Variants in HYCC2 observed in about 807,000 individuals in gnomAD.
HYCC2 encodes the protein hyccin 2.
At chr2:201,071,245 C>G in the HYCC2 span, among the ~76,000 whole-genome samples, 1 of 152,214 alleles carries the variant, frequency 6.6e-6, no homozygotes, top group Non-Finnish European at 1.5e-5. Flanking sequence ...TAACTGTCTT[C>G]AATGCCGTGT....
the HYCC2 span, among the ~76,000 whole-genome samples, chr2:201,005,990 C>G: frequency 1.3e-5 from 2 of 152,032 alleles, no homozygotes; most frequent in African/African-American, 4.8e-5. Flanking sequence ...TGCGCCACCA[C>G]GCCTGGCTAA....
At chr2:201,060,234 A>C in the HYCC2 span, among the ~76,000 whole-genome samples, 1 of 152,192 alleles carries the variant, frequency 6.6e-6, no homozygotes, top group East Asian at 1.9e-4. Context: ...ACAGTATAGA[A>C]GATAAGGAGC....
chr2:201,004,417 G>A, the HYCC2 span, among the ~76,000 whole-genome samples: 1 of 152,186 alleles, frequency 6.6e-6, no homozygotes, highest in African/African-American at 2.4e-5. Context: ...TGCAGAGATG[G>A]GTTGAATTTA....
the HYCC2 span, chr2:200,975,280 T>C: frequency 6.6e-6 from 1 of 152,008 alleles, no homozygotes; most frequent in Non-Finnish European, 1.5e-5. Flanking sequence ...ACTTTAAAAA[T>C]TATATTTGGT....
At chr2:201,016,022 G>A in the HYCC2 span, among the ~76,000 whole-genome samples, 1 of 151,922 alleles carries the variant, frequency 6.6e-6, no homozygotes, top group Non-Finnish European at 1.5e-5. Context: ...ATGTCTTTTC[G>A]AACACAGCAG....
the HYCC2 span, among the ~76,000 whole-genome samples, chr2:201,039,366 T>C: frequency 2.6e-5 from 4 of 152,230 alleles, no homozygotes; most frequent in Admixed American, 2.6e-4. Flanking sequence ...TTTCTGGCCA[T>C]AACAAAACCT....
chr2:201,050,773 A>G, the HYCC2 span, among the ~76,000 whole-genome samples: 2 of 152,048 alleles, frequency 1.3e-5, no homozygotes, highest in Admixed American at 1.3e-4. Context: ...CGTCTCTACT[A>G]AAAATATAAA....
the HYCC2 span, among the ~76,000 whole-genome samples, chr2:201,016,131 T>C: frequency 6.6e-6 from 1 of 152,144 alleles, no homozygotes; most frequent in East Asian, 1.9e-4. Flanking sequence ...ATTGGTCAAA[T>C]AAAACAATTT....
the HYCC2 span, among the ~76,000 whole-genome samples, chr2:201,039,471 A>T: frequency 6.6e-6 from 1 of 152,194 alleles, no homozygotes; most frequent in Non-Finnish European, 1.5e-5. Context: ...TCGTCCAGAA[A>T]TTTTTGACAA....
chr2:201,036,118 T>C, the HYCC2 span, among the ~76,000 whole-genome samples: 1 of 152,274 alleles, frequency 6.6e-6, no homozygotes, highest in African/African-American at 2.4e-5. Context: ...TAAACACCTC[T>C]ACACAAACAA....
chr2:200,991,952 G>A, the HYCC2 span, among the ~76,000 whole-genome samples: 1 of 151,764 alleles, frequency 6.6e-6, no homozygotes, highest in African/African-American at 2.4e-5. Flanking sequence ...CGGGGGGGGA[G>A]GTGGGCAAAT....
At chr2:201,065,401 A>G in the HYCC2 span, among the ~76,000 whole-genome samples, 2 of 152,242 alleles carry the variant, frequency 1.3e-5, no homozygotes, top group African/African-American at 4.8e-5. Context: ...TGCTATGAGA[A>G]TTCACACAGG....
At chr2:201,031,012 T>C in the HYCC2 span, among the ~76,000 whole-genome samples, 2 of 152,196 alleles carry the variant, frequency 1.3e-5, no homozygotes, top group Non-Finnish European at 2.9e-5. Flanking sequence ...CCCTTATACA[T>C]ATTTGTGCAT....
At chr2:201,053,726 A>C in the HYCC2 span, among the ~76,000 whole-genome samples, 1 of 152,268 alleles carries the variant, frequency 6.6e-6, no homozygotes, top group African/African-American at 2.4e-5. Flanking sequence ...GCACTTTGGG[A>C]GGCTGAGGCG....
the HYCC2 span, among the ~76,000 whole-genome samples, chr2:201,033,313 T>G: frequency 2.0e-5 from 3 of 151,898 alleles, no homozygotes; most frequent in East Asian, 5.8e-4. Flanking sequence ...CAAGCAATCT[T>G]CACACCTCAG....
the HYCC2 span, among the ~76,000 whole-genome samples, chr2:201,006,841 T>C: frequency 6.6e-6 from 1 of 152,194 alleles, no homozygotes; most frequent in South Asian, 2.1e-4. Context: ...GAAGCCTCCT[T>C]AGAATGAATA....
chr2:200,982,230 GA>G, the HYCC2 span, among the ~76,000 whole-genome samples: 852 of 118,970 alleles, frequency 7.2e-3, 4 homozygotes, highest in African/African-American at 0.013. Flanking sequence ...CTACCTACTG[GA>G]AAAAAAAAAA....
At chr2:201,064,077 G>C in the HYCC2 span, 1 of 1,565,226 alleles carries the variant, frequency 6.4e-7, no homozygotes, top group South Asian at 1.1e-5. Flanking sequence ...TAGCAGGAGA[G>C]GAGAGCCAGA....
chr2:200,987,942 C>T, the HYCC2 span, among the ~76,000 whole-genome samples: 1 of 152,050 alleles, frequency 6.6e-6, no homozygotes, highest in African/African-American at 2.4e-5. Flanking sequence ...CCACAGTGCT[C>T]ATATGTGCAC....
Sources: gnomAD v4.1 joint callset for allele counts (sites outside exome capture counted in the v4.1 genomes callset) on GRCh38, gnomAD v4.1.1 for gene constraint, MANE v1.5 for transcripts, NCBI Gene and HGNC (gene_info 2026-07-23, HGNC 2026-07-21) for gene names.